CEP128: variants seen among roughly 807,000 people sequenced by gnomAD.
The protein encoded by CEP128 is centrosomal protein 128kDa.
In CEP128, 132 loss-of-function variants were observed where a neutral mutation model predicts 156.7. The ratio of observed to expected loss-of-function variants is 0.84; its 90% CI spans 0.73 to 0.97. The LOEUF (loss-of-function observed/expected upper bound fraction) is 0.97. Ranked by LOEUF, CEP128 falls within the 50% of genes least tolerant of loss-of-function variation. The pLI, the probability that CEP128 is intolerant of heterozygous loss-of-function variation, is 0.00. For synonymous variants in CEP128, 469 were observed against 448.9 expected (o/e 1.04, Z -0.57); for missense variants, 1,252 against 1,281.9 (o/e 0.98, Z 0.36).
intron 21 of CEP128, among the ~76,000 whole-genome samples, chr14:80,533,625 C>T (rs928032707): frequency 5.3e-5 from 8 of 151,944 alleles, no homozygotes; most frequent in African/African-American, 1.7e-4. Flanking sequence ...CTCCTTGACT[C>T]CTTCTTTTCT....
At chr14:80,794,115 C>T (rs1210879252) in intron 13 of CEP128, among the ~76,000 whole-genome samples, 2 of 152,056 alleles carry the variant, frequency 1.3e-5, no homozygotes, top group Non-Finnish European at 2.9e-5. Flanking sequence ...AGAATGGGTT[C>T]CAGGGGTTGG....
At chr14:80,806,126 G>T (rs910403013) in intron 13 of CEP128, among the ~76,000 whole-genome samples, 1 of 151,750 alleles carries the variant, frequency 6.6e-6, no homozygotes, top group Non-Finnish European at 1.5e-5. Flanking sequence ...TTTTCTTTTT[G>T]CCAAATGGAG....
chr14:80,883,214 T>A (rs994855217), intron 8 of CEP128, among the ~76,000 whole-genome samples: 1 of 152,116 alleles, frequency 6.6e-6, no homozygotes, highest in South Asian at 2.1e-4. Context: ...AAAAATTTTT[T>A]AAAATAAAAT....
intron 20 of CEP128, among the ~76,000 whole-genome samples, chr14:80,560,903 A>G (rs1451045044): frequency 6.6e-6 from 1 of 152,106 alleles, no homozygotes; most frequent in East Asian, 1.9e-4. Context: ...ATATATATAT[A>G]TATCTCCTAC....
At chr14:80,636,251 T>C (rs1894175478) in intron 19 of CEP128, among the ~76,000 whole-genome samples, 1 of 152,222 alleles carries the variant, frequency 6.6e-6, no homozygotes, top group Non-Finnish European at 1.5e-5. Context: ...AGAAACCTAA[T>C]GACTTAGTAA....
At chr14:80,633,989 T>C (rs972990406) in intron 19 of CEP128, among the ~76,000 whole-genome samples, 9 of 152,204 alleles carry the variant, frequency 5.9e-5, no homozygotes, top group African/African-American at 1.9e-4. Context: ...ACCTAAGCCA[T>C]GCATATCTTC....
chr14:80,828,123 C>CTT (rs1008856396), intron 13 of CEP128, among the ~76,000 whole-genome samples: 6,340 of 126,928 alleles, frequency 0.05, 664 homozygotes, highest in African/African-American at 0.18. Context: ...CTTCTTTTTT[C>CTT]TTTTTTTTTT....
intron 8 of CEP128, among the ~76,000 whole-genome samples, chr14:80,872,899 A>G (rs539105249): frequency 7.2e-5 from 11 of 152,304 alleles, no homozygotes; most frequent in Middle Eastern, 3.4e-3. Flanking sequence ...AATTCCAACA[A>G]TGTTATTATT....
At chr14:80,780,178 T>C (rs1306107154) in intron 15 of CEP128, among the ~76,000 whole-genome samples, 1 of 152,150 alleles carries the variant, frequency 6.6e-6, no homozygotes, top group Non-Finnish European at 1.5e-5. Flanking sequence ...ATGGATGGCT[T>C]ATCAGAGCTT....
At chr14:80,585,861 A>G (rs961756073) in intron 19 of CEP128, among the ~76,000 whole-genome samples, 1 of 152,222 alleles carries the variant, frequency 6.6e-6, no homozygotes, top group African/African-American at 2.4e-5. Flanking sequence ...ATATATTTAA[A>G]TATATTCATA....
intron 3 of CEP128, among the ~76,000 whole-genome samples, chr14:80,915,072 G>C (rs1884467506): frequency 6.6e-6 from 1 of 152,154 alleles, no homozygotes; most frequent in South Asian, 2.1e-4. Flanking sequence ...TTATTGATGA[G>C]AAAGGGTCTT....
intron 14 of CEP128, among the ~76,000 whole-genome samples, chr14:80,483,328 A>C (rs562776094): frequency 6.6e-6 from 1 of 152,342 alleles, no homozygotes; most frequent in Non-Finnish European, 1.5e-5. Flanking sequence ...GCACAAACAC[A>C]AAAGAAATAA....
chr14:80,819,176 C>T (rs967909058), intron 13 of CEP128, among the ~76,000 whole-genome samples: 3 of 151,722 alleles, frequency 2.0e-5, no homozygotes, highest in Non-Finnish European at 4.4e-5. Context: ...GAGCTGCAGA[C>T]CGACAACTTT....
At chr14:80,824,345 T>C (rs1885356460) in intron 13 of CEP128, among the ~76,000 whole-genome samples, 1 of 152,222 alleles carries the variant, frequency 6.6e-6, no homozygotes, top group Non-Finnish European at 1.5e-5. Context: ...CCTCAATACT[T>C]ATGCAAATTT....
At chr14:80,878,806 T>A (rs1888399027) in intron 8 of CEP128, among the ~76,000 whole-genome samples, 1 of 152,096 alleles carries the variant, frequency 6.6e-6, no homozygotes, top group African/African-American at 2.4e-5. Flanking sequence ...GTGCCTCAAG[T>A]CCCAGGTGCT....
chr14:80,653,620 G>C, intron 19 of CEP128, among the ~76,000 whole-genome samples: 1 of 152,164 alleles, frequency 6.6e-6, no homozygotes, highest in Non-Finnish European at 1.5e-5. Flanking sequence ...AGGCTATCTT[G>C]AGAGGGGCTA....
intron 19 of CEP128, among the ~76,000 whole-genome samples, chr14:80,742,502 T>G (rs1318405922): frequency 6.6e-6 from 1 of 152,196 alleles, no homozygotes; most frequent in Admixed American, 6.5e-5. Flanking sequence ...CACATTGCCA[T>G]AATCAATGCT....
At position 80,916,466 on chromosome 14, in the gene CEP128, C is replaced by T; in HGVS notation, c.82G>A (p.Gly28Arg). Residue 28 changes from glycine (G) to arginine (R), a missense_variant, in exon 3 of 25, where the codon GGA becomes AGA. By Grantham distance (125) the Gly-to-Arg change is moderately radical (BLOSUM62 -2). Coordinates refer to ENST00000555265, the MANE Select transcript of CEP128 (RefSeq NM_152446.5). Reference sequence around the variant, plus strand: ...TCTACTGTAGGAAGACTTCGAGTTCCCCTGTGCGTTGATCTGGCAGCCCAT... The same window carrying T: ...TCTACTGTAGGAAGACTTCGAGTTCTCCTGTGCGTTGATCTGGCAGCCCAT... Reference protein sequence around the residue: ...SPWAARSTHRGTRSLPTVEVT... With the variant: ...SPWAARSTHRRTRSLPTVEVT... 2 of 1,613,976 alleles carry T rather than the reference C, an allele frequency of 1.2e-6. No individual in the cohort carries two copies. Among genetic ancestry groups the T allele is most frequent in the African/African-American group, 1.3e-5 (1 of 75,002 alleles).
chr14:80,858,777 C>T (rs943909340), intron 9 of CEP128, among the ~76,000 whole-genome samples: 20 of 151,998 alleles, frequency 1.3e-4, no homozygotes, highest in African/African-American at 4.8e-4. Context: ...ATTTATGCAG[C>T]CAAAAAACAC....
Sources: gnomAD v4.1 joint callset for allele counts (sites outside exome capture counted in the v4.1 genomes callset) on GRCh38, gnomAD v4.1.1 for gene constraint, MANE v1.5 for transcripts, NCBI Gene and HGNC (gene_info 2026-07-23, HGNC 2026-07-21) for gene names.